Variants in KCNIP1 observed in about 807,000 individuals in gnomAD.
The protein encoded by KCNIP1 is potassium voltage-gated channel interacting protein 1.
Under a neutral mutation model 33.0 loss-of-function variants are expected in KCNIP1, and 18 were observed. That is an observed-to-expected ratio of 0.55 (90% CI 0.38 to 0.81). The LOEUF (loss-of-function observed/expected upper bound fraction) is 0.81. Ranked by LOEUF, KCNIP1 falls within the 30% of genes least tolerant of loss-of-function variation. KCNIP1 has a pLI of 0.00. For synonymous variants in KCNIP1, 93 were observed against 98.3 expected (o/e 0.95, Z 0.32); for missense variants, 238 against 271.6 (o/e 0.88, Z 0.87).
chr5:170,393,943 T>A (rs535754675), intron 1 of KCNIP1, among the ~76,000 whole-genome samples: 18 of 152,260 alleles, frequency 1.2e-4, no homozygotes, highest in Admixed American at 7.8e-4. Flanking sequence ...TTGGTTTTTT[T>A]AAAAAAATGC....
chr5:170,626,986 G>A (rs72834408), intron 1 of KCNIP1, among the ~76,000 whole-genome samples: 3,180 of 152,330 alleles, frequency 0.021, 32 homozygotes, highest in Non-Finnish European at 0.034. Flanking sequence ...GACACAGACA[G>A]ACAGGGACAG....
At chr5:170,610,343 C>G (rs1269802476) in intron 1 of KCNIP1, among the ~76,000 whole-genome samples, 1 of 152,206 alleles carries the variant, frequency 6.6e-6, no homozygotes, top group Non-Finnish European at 1.5e-5. Context: ...TAAACACCAT[C>G]ATGTACTTAA....
chr5:170,609,074 C>G (rs12514116), intron 1 of KCNIP1, among the ~76,000 whole-genome samples: 1 of 151,962 alleles, frequency 6.6e-6, no homozygotes, highest in Admixed American at 6.6e-5. Flanking sequence ...TCCTCAGAAT[C>G]ACGTGCTCTG....
chr5:170,710,457 G>A (rs1763406373), intron 1 of KCNIP1, among the ~76,000 whole-genome samples: 1 of 152,090 alleles, frequency 6.6e-6, no homozygotes, highest in Non-Finnish European at 1.5e-5. Flanking sequence ...ATCAGCTGTG[G>A]ATCTATTACT....
chr5:170,462,702 T>C (rs1159395047), intron 1 of KCNIP1, among the ~76,000 whole-genome samples: 2 of 152,078 alleles, frequency 1.3e-5, no homozygotes. Context: ...GCAGCACAAT[T>C]CGCAATTGTA....
chr5:170,625,482 A>T lies in KCNIP1; in HGVS notation c.62-93276A>T, dbSNP rs537857960. ...TCCGGCTCCCCATCGCTGGGCTGTG[A>T]CCTGCGGGGGCGCCCCTCTATGGAA... On this transcript the variant is annotated intron_variant, in intron 1 of 7. Coordinates refer to ENST00000328939, the MANE Select transcript of KCNIP1 (RefSeq NM_014592.4). 5.0e-3 allele frequency among the ~76,000 whole-genome samples: 761 copies of T among 152,238 alleles called. 5 individuals are homozygous for T. Among genetic ancestry groups the T allele is most frequent in the Non-Finnish European group, 8.2e-3 (561 of 68,008 alleles).
At chr5:170,730,730 T>C (rs562309186) in intron 5 of KCNIP1, among the ~76,000 whole-genome samples, 1 of 152,242 alleles carries the variant, frequency 6.6e-6, no homozygotes, top group African/African-American at 2.4e-5. Context: ...ATACCATTCT[T>C]CGATAAACAG....
chr5:170,542,667 A>C (rs965937259), intron 1 of KCNIP1, among the ~76,000 whole-genome samples: 3 of 152,192 alleles, frequency 2.0e-5, no homozygotes, highest in Non-Finnish European at 2.9e-5. Context: ...TTTTTCCTAT[A>C]CTTATATACC....
At chr5:170,598,896 TGTGTGCGC>T (rs912407990) in intron 1 of KCNIP1, among the ~76,000 whole-genome samples, 12 of 121,382 alleles carry the variant, frequency 9.9e-5, no homozygotes, top group Non-Finnish European at 2.0e-4. Flanking sequence ...CCGCTGTGTG[TGTGTGCGC>T]GTGTGTGTGT....
chr5:170,623,043 C>T (rs1022938309), intron 1 of KCNIP1, among the ~76,000 whole-genome samples: 3 of 152,184 alleles, frequency 2.0e-5, no homozygotes, highest in Admixed American at 6.5e-5. Flanking sequence ...CCTTCGCATG[C>T]GCAGTTCGCA....
At chr5:170,507,747 A>G (rs939120804) in intron 1 of KCNIP1, among the ~76,000 whole-genome samples, 4 of 152,368 alleles carry the variant, frequency 2.6e-5, no homozygotes, top group African/African-American at 9.6e-5. Flanking sequence ...ATCCAGCCCA[A>G]CCTGGGTGTT....
chr5:170,619,424 G>A (rs1030836987), intron 1 of KCNIP1, among the ~76,000 whole-genome samples: 2 of 152,168 alleles, frequency 1.3e-5, no homozygotes, highest in Admixed American at 6.5e-5. Context: ...GTAAGACCCC[G>A]AAGGACACAA....
At chr5:170,498,813 C>T (rs1053150245) in intron 1 of KCNIP1, among the ~76,000 whole-genome samples, 2 of 152,198 alleles carry the variant, frequency 1.3e-5, no homozygotes, top group African/African-American at 4.8e-5. Context: ...CCCATTCTCA[C>T]AACAATCCCC....
intron 1 of KCNIP1, among the ~76,000 whole-genome samples, chr5:170,418,634 A>G (rs946025769): frequency 6.6e-6 from 1 of 152,164 alleles, no homozygotes; most frequent in Non-Finnish European, 1.5e-5. Context: ...ACTCTGCAAC[A>G]TTCCATTCAG....
chr5:170,503,980 G>T, upstream of KCNIP1: 14 of 543,860 alleles, frequency 2.6e-5, no homozygotes, highest in Non-Finnish European at 2.8e-5. Context: ...CTCCGTAGTT[G>T]CCCGCCCGCC....
intron 5 of KCNIP1, among the ~76,000 whole-genome samples, chr5:170,723,926 G>C (rs140634690): frequency 2.0e-5 from 3 of 152,310 alleles, no homozygotes; most frequent in Non-Finnish European, 2.9e-5. Context: ...AAACAGAAAG[G>C]CTTCAGATGG....
chr5:170,485,325 C>T (rs1190213876), intron 1 of KCNIP1, among the ~76,000 whole-genome samples: 1 of 152,228 alleles, frequency 6.6e-6, no homozygotes, highest in Non-Finnish European at 1.5e-5. Context: ...CATCCTCCCT[C>T]CCTCAGCTGG....
intron 1 of KCNIP1, among the ~76,000 whole-genome samples, chr5:170,463,310 A>G (rs952287471): frequency 6.6e-6 from 1 of 152,148 alleles, no homozygotes; most frequent in Non-Finnish European, 1.5e-5. Context: ...AAGAGGGGAC[A>G]TTTTCCATTT....
intron 1 of KCNIP1, among the ~76,000 whole-genome samples, chr5:170,651,052 A>C (rs1002644173): frequency 6.6e-6 from 1 of 152,178 alleles, no homozygotes. Flanking sequence ...AGCCAGGAGA[A>C]GGGGTGAGTA....
Sources: allele counts gnomAD v4.1 joint callset (sites outside exome capture counted in the v4.1 genomes callset), GRCh38; gene constraint gnomAD v4.1.1; transcripts MANE v1.5; gene names NCBI Gene and HGNC (gene_info 2026-07-23, HGNC 2026-07-21).